PRKG1: variants seen among roughly 807,000 people sequenced by gnomAD.
PRKG1 encodes cGMP-dependent protein kinase 1.
PRKG1 carries 35 observed loss-of-function variants against 88.1 expected under a neutral mutation model. That is an observed-to-expected ratio of 0.40 (90% CI 0.30 to 0.53). The LOEUF is 0.53. Ranked by LOEUF, PRKG1 falls within the 20% of genes least tolerant of loss-of-function variation. The probability of loss-of-function intolerance (pLI) is 0.59; values close to 1 mark genes in which losing one functional copy is unlikely to be tolerated. For missense variants in PRKG1, 540 were observed against 839.8 expected (o/e 0.64, Z 4.41); for synonymous variants, 303 against 292.5 (o/e 1.04, Z -0.37).
At chr10:52,214,996 T>C (rs1161907470) in intron 9 of PRKG1, among the ~76,000 whole-genome samples, 2 of 150,324 alleles carry the variant, frequency 1.3e-5, no homozygotes. Context: ...CTGCAATAAT[T>C]CACATGATTT....
intron 1 of PRKG1, among the ~76,000 whole-genome samples, chr10:51,050,521 AT>A (rs2132768275): frequency 6.6e-6 from 1 of 152,198 alleles, no homozygotes; most frequent in Non-Finnish European, 1.5e-5. Context: ...ATAATATTCC[AT>A]TGTATGTATA....
Position 52,168,681 on chromosome 10 carries a change from G to A in PRKG1, c.1076+6718G>A, listed in dbSNP as rs1041313518. On this transcript the variant is annotated intron_variant, in intron 9 of 17. Transcript: ENST00000373980. ...TTCATGTTAAAGCTGATAGTAGACA[G>A]GAATAGAGTGAGGACAATGTGATTT... Among the ~76,000 whole-genome samples, 4 of 151,822 alleles carry A rather than the reference G, an allele frequency of 2.6e-5. No homozygotes were observed. The South Asian group carries it at 8.3e-4, about 32-fold the overall frequency.
intron 2 of PRKG1, among the ~76,000 whole-genome samples, chr10:51,163,802 C>T (rs920909398): frequency 6.6e-6 from 1 of 152,200 alleles, no homozygotes; most frequent in African/African-American, 2.4e-5. Flanking sequence ...GCTAGCACAG[C>T]AGTCTGAGAT....
intron 8 of PRKG1, among the ~76,000 whole-genome samples, chr10:52,148,257 T>A (rs996685789): frequency 6.6e-6 from 1 of 152,164 alleles, no homozygotes; most frequent in African/African-American, 2.4e-5. Flanking sequence ...GCTACTGTTA[T>A]CTTAGTGGGC....
At chr10:51,696,108 T>G (rs1841284971) in intron 3 of PRKG1, 1 of 152,298 alleles carries the variant, frequency 6.6e-6, no homozygotes, top group African/African-American at 2.4e-5. Context: ...CTGTATTCCA[T>G]GCAAAAAGTA....
chr10:51,656,863 G>C (rs1052896848), intron 3 of PRKG1, among the ~76,000 whole-genome samples: 2 of 152,184 alleles, frequency 1.3e-5, no homozygotes. Context: ...GTGTCAATTA[G>C]ATTGGTAGCA....
intron 3 of PRKG1, among the ~76,000 whole-genome samples, chr10:51,480,170 C>T (rs905595798): frequency 2.6e-5 from 4 of 152,040 alleles, no homozygotes; most frequent in Non-Finnish European, 5.9e-5. Flanking sequence ...CTCCTATAAA[C>T]TGATTCTCAA....
intron 1 of PRKG1, among the ~76,000 whole-genome samples, chr10:51,016,538 A>C (rs1000469614): frequency 8.5e-5 from 13 of 152,070 alleles, no homozygotes; most frequent in African/African-American, 3.1e-4. Context: ...AAGGACAAAG[A>C]CTAATAGGCA....
intron 3 of PRKG1, among the ~76,000 whole-genome samples, chr10:51,589,123 C>A (rs1402523758): frequency 1.3e-5 from 2 of 152,054 alleles, no homozygotes; most frequent in African/African-American, 2.4e-5. Flanking sequence ...TGCTGAGTTG[C>A]TAACTGGATA....
At chr10:51,260,500 G>A (rs1839677988) in intron 2 of PRKG1, among the ~76,000 whole-genome samples, 1 of 152,144 alleles carries the variant, frequency 6.6e-6, no homozygotes, top group South Asian at 2.1e-4. Flanking sequence ...AAAAGAGTCT[G>A]GATATATTGC....
In PRKG1 at chr10:51,970,937, G is replaced by A. The variant is rs187420888; in HGVS notation, c.762+63367G>A. Among the ~76,000 whole-genome samples the A allele has an allele frequency of 2.6e-5, 4 of 151,116 alleles. No individual in the cohort carries two copies. The East Asian group carries it at 7.8e-4, about 29-fold the overall frequency. On this transcript the variant is annotated intron_variant, in intron 5 of 17. Coordinates refer to ENST00000373980, the MANE Select transcript of PRKG1 (RefSeq NM_006258.4). ...GCAGTTTTGATCATAAATGCCAAAA[G>A]CTAGAAATAATGTAAATACTCTTGA... is the stretch of plus-strand genomic sequence containing the variant.
At chr10:51,210,977 A>T (rs908137780) in intron 2 of PRKG1, among the ~76,000 whole-genome samples, 24 of 152,224 alleles carry the variant, frequency 1.6e-4, no homozygotes, top group African/African-American at 5.8e-4. Context: ...GGCCAGCATC[A>T]TCCTGATACC....
intron 3 of PRKG1, among the ~76,000 whole-genome samples, chr10:51,503,739 G>A (rs1304549121): frequency 3.3e-5 from 5 of 152,138 alleles, no homozygotes; most frequent in African/African-American, 1.2e-4. Context: ...AGGAATGTTT[G>A]TAGAGTACTT....
chr10:52,088,424 A>G (rs563532141), intron 7 of PRKG1, among the ~76,000 whole-genome samples: 1 of 152,002 alleles, frequency 6.6e-6, no homozygotes, highest in African/African-American at 2.4e-5. Flanking sequence ...TATGGTTTGA[A>G]TGTTGTGTCC....
rs961781008 is a variant in PRKG1 at position 51,247,106 on chromosome 10, G to C, written c.478+93776G>C. 5.9e-5 allele frequency among the ~76,000 whole-genome samples: 9 copies of C among 151,924 alleles called. No individual in the cohort carries two copies. The East Asian group carries it at 1.7e-3, about 29-fold the overall frequency. On this transcript the variant is annotated intron_variant, in intron 2 of 17. Transcript: ENST00000373980. ...AAGATGAATGGAGTAATAAATGTAT[G>C]GTTCTCACGTGGCTGGTAAGACTGT... is the stretch of plus-strand genomic sequence containing the variant.
chr10:51,002,502 T>C lies in PRKG1; in HGVS notation c.266+10858T>C, dbSNP rs139246015. Among the ~76,000 whole-genome samples, 101 of 152,360 alleles carry C rather than the reference T, an allele frequency of 6.6e-4. 5 individuals are homozygous for C. In the East Asian group the frequency reaches 9.8e-3, roughly 15 times the overall value. ...GTTTTATGAGATACTCTACTCTGAA[T>C]ATAAACTGCCTCTCAAAAATTTTAG... On this transcript the variant is annotated intron_variant, in intron 1 of 17. Coordinates refer to the PRKG1 transcript ENST00000401604.
Position 51,743,737 on chromosome 10 carries a change from AATATATATATATATATAT to A in PRKG1, c.593-60837_593-60820del, listed in dbSNP as rs369411662. 2.0e-4 allele frequency among the ~76,000 whole-genome samples: 8 copies of A among 40,386 alleles called. 1 individual carries two copies. Among genetic ancestry groups the A allele is most frequent in the African/African-American group, 6.9e-4 (8 of 11,610 alleles). The allele number at this position is 40,386 out of a possible 152,430, so 26.5% of individuals were successfully genotyped here. A position where few individuals can be genotyped will look rare whatever the true frequency, so the allele number is the denominator to read the frequency against. The stretch of plus-strand genomic sequence containing the variant: ...ATATATATATATATAATATAAACTA[AATATATATATATATATAT>A]ATATATATATTTAGTTGCCTATTTG... On this transcript the variant is annotated intron_variant, in intron 3 of 17. Transcript: ENST00000373980.
chr10:52,143,620 G>A (rs1167110510), intron 8 of PRKG1, among the ~76,000 whole-genome samples: 1 of 152,126 alleles, frequency 6.6e-6, no homozygotes, highest in Non-Finnish European at 1.5e-5. Flanking sequence ...AAAACCACCT[G>A]AGGGGAAGTC....
chr10:51,541,645 T>A lies in PRKG1; in HGVS notation c.592+73809T>A, dbSNP rs866624429. Among the ~76,000 whole-genome samples, 15 of 152,330 alleles carry A rather than the reference T, an allele frequency of 9.8e-5. 1 individual carries two copies. The highest frequency in any genetic ancestry group is 4.1e-4 in the South Asian group (2 of 4,830). On this transcript the variant is annotated intron_variant, in intron 3 of 17. Coordinates refer to ENST00000373980, the MANE Select transcript of PRKG1 (RefSeq NM_006258.4). ...TTTAAGATTTTGATATTGCATTATA[T>A]TGCTCAATATTACTTATATTGATCA...
Sources: allele counts gnomAD v4.1 joint callset (sites outside exome capture counted in the v4.1 genomes callset), GRCh38; gene constraint gnomAD v4.1.1; transcripts MANE v1.5; gene names NCBI Gene and HGNC (gene_info 2026-07-23, HGNC 2026-07-21).